CACNA1D: variants seen among roughly 807,000 people sequenced by gnomAD.
The protein encoded by CACNA1D is calcium voltage-gated channel subunit alpha1 D, also known as voltage-dependent L-type calcium channel subunit alpha-1D.
CACNA1D carries 55 observed loss-of-function variants against 257.1 expected under a neutral mutation model. The ratio of observed to expected loss-of-function variants is 0.21; its 90% CI spans 0.17 to 0.27. The LOEUF is 0.27. Among genes scored for constraint, CACNA1D ranks in the 10% least tolerant of loss-of-function variants. CACNA1D has a pLI of 1.00. For missense variants in CACNA1D, 1,876 were observed against 2,784.0 expected (o/e 0.67, Z 7.34); for synonymous variants, 980 against 1,014.9 (o/e 0.97, Z 0.65).
intron 3 of CACNA1D, among the ~76,000 whole-genome samples, chr3:53,524,937 T>TGG (rs2091706527): frequency 6.6e-6 from 1 of 152,152 alleles, no homozygotes; most frequent in Admixed American, 6.5e-5. Flanking sequence ...TAGGGTGCTT[T>TGG]GGAGGTTCTG....
At chr3:53,733,054 T>A in intron 19 of CACNA1D, 92 bp downstream of exon 19, 1 of 1,302,234 alleles carries the variant, frequency 7.7e-7, no homozygotes, top group Non-Finnish European at 1.1e-6. Flanking sequence ...TGAGGGGAAG[T>A]GGTTCACAGC....
chr3:53,809,941 GA>G, intron 46 of CACNA1D, 36 bp from the exon 47 acceptor site: 1 of 1,602,590 alleles, frequency 6.2e-7, no homozygotes, highest in Non-Finnish European at 8.5e-7. Flanking sequence ...GGACCTCTGA[GA>G]ACCTCTGGTC....
chr3:53,796,739 C>T (rs907419356), intron 40 of CACNA1D, among the ~76,000 whole-genome samples: 7 of 152,106 alleles, frequency 4.6e-5, no homozygotes, highest in African/African-American at 1.7e-4. Flanking sequence ...ACAGGCAAAG[C>T]GCCAACATTT....
At chr3:53,779,041 G>A (rs1045710911) in intron 37 of CACNA1D, among the ~76,000 whole-genome samples, 1 of 152,178 alleles carries the variant, frequency 6.6e-6, no homozygotes, top group African/African-American at 2.4e-5. Flanking sequence ...GCTCACACCT[G>A]TAATCCCAAC....
At chr3:53,659,854 CATT>C (rs903513307) in intron 4 of CACNA1D, among the ~76,000 whole-genome samples, 1 of 152,216 alleles carries the variant, frequency 6.6e-6, no homozygotes, top group African/African-American at 2.4e-5. Context: ...CACTTGTCAT[CATT>C]GAGTTCCCAG....
chr3:53,607,636 C>G (rs1297130117), intron 3 of CACNA1D, among the ~76,000 whole-genome samples: 1 of 152,192 alleles, frequency 6.6e-6, no homozygotes, highest in African/African-American at 2.4e-5. Context: ...AGTGGATTCT[C>G]CCCCAGAGAA....
chr3:53,583,913 A>G (rs1338121499), intron 3 of CACNA1D, among the ~76,000 whole-genome samples: 1 of 152,210 alleles, frequency 6.6e-6, no homozygotes, highest in Non-Finnish European at 1.5e-5. Context: ...CTTTTTTAGA[A>G]AAGTTCAAAG....
At chr3:53,588,994 C>A (rs2093262901) in intron 3 of CACNA1D, among the ~76,000 whole-genome samples, 1 of 152,178 alleles carries the variant, frequency 6.6e-6, no homozygotes, top group South Asian at 2.1e-4. Flanking sequence ...TGCACAGCAC[C>A]ACTGTTGTAA....
At position 53,664,307 on chromosome 3, in the gene CACNA1D, G is replaced by C. The variant is rs1446928914; in HGVS notation, c.767-1353G>C. Among the ~76,000 whole-genome samples the C allele has an allele frequency of 2.6e-5, 4 of 152,050 alleles. No individual in the cohort carries two copies. The East Asian group carries it at 7.7e-4, about 29-fold the overall frequency. On this transcript the variant is annotated intron_variant, in intron 5 of 47. Coordinates refer to ENST00000350061, the MANE Select transcript of CACNA1D (RefSeq NM_001128840.3). ...CTCAAATAACTGGTGTGCTCCATAG[G>C]TACCTTCCTCTCATTCTGACTCAGT...
At chr3:53,648,829 A>ACACACACACAC (rs2094052865) in intron 3 of CACNA1D, among the ~76,000 whole-genome samples, 6 of 146,858 alleles carry the variant, frequency 4.1e-5, no homozygotes, top group Admixed American at 1.4e-4. Flanking sequence ...TAACTCTCAA[A>ACACACACACAC]ACACACACAC....
rs1203704893 is a variant in CACNA1D at position 53,723,144 on chromosome 3, T to C, written c.1667-290T>C. ...TAGGGCTGGAAGGAGTCAGAGATTATGTGATGAGCTGCCCCTTCCCATTTT... is the reference window on the plus strand; with the variant it reads ...TAGGGCTGGAAGGAGTCAGAGATTACGTGATGAGCTGCCCCTTCCCATTTT... On this transcript the variant is annotated intron_variant, in intron 12 of 47. Transcript: ENST00000350061. This position sits in a 1 kb window ranked among gnomAD's most constrained non-coding sequence, Gnocchi z 5.6. Among the ~76,000 whole-genome samples the C allele has an allele frequency of 6.6e-6, 1 of 152,138 alleles. No homozygotes were observed. Among genetic ancestry groups the C allele is most frequent in the Non-Finnish European group, 1.5e-5 (1 of 68,026 alleles).
intron 3 of CACNA1D, among the ~76,000 whole-genome samples, chr3:53,541,392 T>A (rs2092293125): frequency 1.3e-5 from 2 of 152,198 alleles, no homozygotes; most frequent in African/African-American, 4.8e-5. Context: ...CCATTCTCCA[T>A]GTTTCAAAGG....
intron 20 of CACNA1D, among the ~76,000 whole-genome samples, chr3:53,739,591 G>A (rs755629897): frequency 6.6e-6 from 1 of 152,064 alleles, no homozygotes; most frequent in Non-Finnish European, 1.5e-5. Context: ...AAGTCAGTCT[G>A]TTATTTGAGT....
At chr3:53,714,489 T>C (rs2094797909) in intron 9 of CACNA1D, among the ~76,000 whole-genome samples, 2 of 152,240 alleles carry the variant, frequency 1.3e-5, no homozygotes, top group African/African-American at 2.4e-5. Flanking sequence ...GTCGTCACCA[T>C]TGCAGCCTGA....
rs142451149 is a variant in CACNA1D, at chr3:53,751,471, G to A, written c.3517-278G>A. 1.8e-4 allele frequency among the ~76,000 whole-genome samples: 28 copies of A among 152,332 alleles called. No individual in the cohort carries two copies. Among genetic ancestry groups the A allele is most frequent in the African/African-American group, 6.5e-4 (27 of 41,564 alleles). Reference sequence around the variant, plus strand: ...CAGGAAAGACAGCTAAAAGCTCTGAGCCTCAGTTTTTAGTAAGCAAAATGG... The same window carrying A: ...CAGGAAAGACAGCTAAAAGCTCTGAACCTCAGTTTTTAGTAAGCAAAATGG... On this transcript the variant is annotated intron_variant, in intron 27 of 47. Transcript: ENST00000350061. The surrounding 1 kb of genome is among the most constrained non-coding windows in gnomAD (Gnocchi z 4.3).
rs375664946 is a variant in CACNA1D, at chr3:53,740,321, T to C, written c.2793T>C (p.Thr931=). 1 of 1,611,228 alleles carries C rather than the reference T, an allele frequency of 6.2e-7. No individual in the cohort carries two copies. The highest frequency in any genetic ancestry group is 8.5e-7 in the Non-Finnish European group (1 of 1,177,300). ...YFDYAFTAIF[T]VEILLKMTTF... ...ACTATGCCTTCACAGCCATCTTTAC[T>C]GTTGAGATCCTGTTGAAGGTAATGA... is the stretch of plus-strand genomic sequence containing the variant. Residue 931 remains threonine, a synonymous_variant, in exon 21 of 48, where the codon ACT becomes ACC. Coordinates refer to ENST00000350061, the MANE Select transcript of CACNA1D (RefSeq NM_001128840.3).
At chr3:53,787,425 C>CTG (rs3217446) in intron 40 of CACNA1D, among the ~76,000 whole-genome samples, 5,471 of 136,194 alleles carry the variant, frequency 0.04, 291 homozygotes, top group African/African-American at 0.12. Context: ...AGTATGTATT[C>CTG]TGTGTGTGTG....
intron 40 of CACNA1D, among the ~76,000 whole-genome samples, chr3:53,794,466 C>A (rs1219471496): frequency 6.6e-6 from 1 of 152,116 alleles, no homozygotes; most frequent in Admixed American, 6.5e-5. Context: ...TCAGGGAAGC[C>A]ATAGGAAGGC....
At chr3:53,518,895 T>G (rs1242048070) in intron 3 of CACNA1D, among the ~76,000 whole-genome samples, 1 of 152,220 alleles carries the variant, frequency 6.6e-6, no homozygotes, top group African/African-American at 2.4e-5. Flanking sequence ...TACACAATTC[T>G]GATGTGTTTA....
Sources: allele counts gnomAD v4.1 joint callset (sites outside exome capture counted in the v4.1 genomes callset), GRCh38; gene constraint gnomAD v4.1.1; non-coding constraint Gnocchi (gnomAD v3.1); transcripts MANE v1.5; gene names NCBI Gene and HGNC (gene_info 2026-07-23, HGNC 2026-07-21).